ABCA13: variants seen among roughly 807,000 people sequenced by gnomAD.
ABCA13 encodes ATP binding cassette subfamily A member 13.
Under a neutral mutation model 478.7 loss-of-function variants are expected in ABCA13, and 476 were observed. The ratio of observed to expected loss-of-function variants is 0.99; its 90% confidence interval spans 0.92 to 1.07. ABCA13 has a LOEUF of 1.07. Among genes scored for constraint, ABCA13 ranks in the 50% least tolerant of loss-of-function variants. ABCA13 has a pLI of 0.00. For synonymous variants in ABCA13, 2,252 were observed against 2,158.9 expected (o/e 1.04, Z -1.20); for missense variants, 6,060 against 5,910.6 (o/e 1.03, Z -0.83).
chr7:48,645,286 T>G (rs1795368882), intron 61 of ABCA13, 131 bp from the exon 62 acceptor site: 1 of 622,200 alleles, frequency 1.6e-6, no homozygotes, highest in African/African-American at 1.9e-5. Context: ...TGGGAGGGAA[T>G]GGTATGAATT....
At chr7:48,511,604 A>C (rs1025409542) in intron 51 of ABCA13, among the ~76,000 whole-genome samples, 2 of 152,122 alleles carry the variant, frequency 1.3e-5, no homozygotes, top group African/African-American at 4.8e-5. Flanking sequence ...TAATATTAGT[A>C]GTTTGAAAAT....
chr7:48,536,278 T>C (rs1833575173), intron 55 of ABCA13, among the ~76,000 whole-genome samples: 1 of 152,338 alleles, frequency 6.6e-6, no homozygotes, highest in South Asian at 2.1e-4. Context: ...TTGAAAATTA[T>C]CTACAAATTT....
chr7:48,344,716 T>C (rs970604949), intron 29 of ABCA13, among the ~76,000 whole-genome samples: 16 of 152,200 alleles, frequency 1.1e-4, no homozygotes, highest in African/African-American at 3.9e-4. Flanking sequence ...ATTCTAGGAC[T>C]CTTACCAGAG....
At chr7:48,489,625 A>T (rs1046022825) in intron 48 of ABCA13, among the ~76,000 whole-genome samples, 1 of 152,182 alleles carries the variant, frequency 6.6e-6, no homozygotes, top group Admixed American at 6.5e-5. Context: ...TTATTCTGTG[A>T]CTTAATATCT....
At chr7:48,364,353 ATG>A (rs1811348981) in intron 31 of ABCA13, among the ~76,000 whole-genome samples, 1 of 152,208 alleles carries the variant, frequency 6.6e-6, no homozygotes, top group Non-Finnish European at 1.5e-5. Context: ...CATGTGTACA[ATG>A]TGTGATAATC....
At chr7:48,553,813 G>A (rs752559945) in intron 55 of ABCA13, among the ~76,000 whole-genome samples, 13 of 151,908 alleles carry the variant, frequency 8.6e-5, no homozygotes, top group South Asian at 8.3e-4. Flanking sequence ...TTTTTAACTT[G>A]ATGTGATCCC....
At chr7:48,404,430 G>T (rs1471346646) in intron 39 of ABCA13, 2 of 179,406 alleles carry the variant, frequency 1.1e-5, no homozygotes, top group African/African-American at 2.4e-5. Flanking sequence ...AGGAAGCATT[G>T]TTCTATGTAT....
chr7:48,196,466 C>T (rs1797946611), intron 2 of ABCA13, among the ~76,000 whole-genome samples: 1 of 152,150 alleles, frequency 6.6e-6, no homozygotes, highest in Non-Finnish European at 1.5e-5. Context: ...TGGCGTGCAA[C>T]CTTTGTGAGC....
intron 59 of ABCA13, among the ~76,000 whole-genome samples, chr7:48,627,327 C>A (rs1421047927): frequency 6.6e-6 from 1 of 152,124 alleles, no homozygotes; most frequent in Non-Finnish European, 1.5e-5. Context: ...AAGAACAAAG[C>A]TTTGCTTCAA....
Position 48,516,777 on chromosome 7 carries a change from G to T in ABCA13, c.13693G>T (p.Asp4565Tyr), listed in dbSNP as rs763574573. The T allele has an allele frequency of 6.2e-7, 1 of 1,613,680 alleles. No individual in the cohort carries two copies. The highest frequency in any genetic ancestry group is 1.7e-5 in the Admixed American group (1 of 60,004). ...YLMSRIFSSS[D>Y]VAFISYVSLN... ...GATGTCCAGAATCTTTTCCAGTTCG[G>T]ACGTGGCTTTCATTTCCTATGTCTC... The change falls in exon 52 of 62, where the codon GAC becomes TAC. Residue 4565 changes from aspartate to tyrosine, a missense_variant. Physicochemically the swap from Asp to Tyr is radical, Grantham distance 160. Transcript: ENST00000435803.
chr7:48,248,877 G>A (rs555931484), intron 14 of ABCA13, among the ~76,000 whole-genome samples: 6 of 152,220 alleles, frequency 3.9e-5, no homozygotes, highest in African/African-American at 7.2e-5. Flanking sequence ...GATGTTCTTC[G>A]TCAAATATGT....
intron 55 of ABCA13, among the ~76,000 whole-genome samples, chr7:48,558,139 C>T (rs1786041859): frequency 6.6e-6 from 1 of 150,502 alleles, no homozygotes; most frequent in Non-Finnish European, 1.5e-5. Context: ...TCCTTCCTTC[C>T]TTCCTTTCTC....
rs572129782 is a variant in ABCA13 at position 48,254,231 on chromosome 7, AT to A, written c.2005+4887del. Among the ~76,000 whole-genome samples the A allele has an allele frequency of 9.9e-4, 149 of 150,764 alleles. 1 individual carries two copies. Among genetic ancestry groups the A allele is most frequent in the African/African-American group, 3.5e-3 (144 of 41,078 alleles). ...TCAGTATCTATTGTATGCTTTTCCT[AT>A]TTTTTTCCCCAATTCCTATTGTTTT... is the stretch of plus-strand genomic sequence containing the variant. On this transcript the variant is annotated intron_variant, in intron 15 of 61. Transcript: ENST00000435803.
At chr7:48,479,264 G>T (rs1318380191) in intron 45 of ABCA13, among the ~76,000 whole-genome samples, 1 of 151,242 alleles carries the variant, frequency 6.6e-6, no homozygotes, top group East Asian at 1.9e-4. Flanking sequence ...TTGAGACAGA[G>T]TCTCGCTCTG....
chr7:48,223,969 A>AG (rs1482343599), intron 5 of ABCA13, among the ~76,000 whole-genome samples: 1 of 150,952 alleles, frequency 6.6e-6, no homozygotes, highest in Non-Finnish European at 1.5e-5. Flanking sequence ...AAAAAAAAAA[A>AG]AAAAAAAAGA....
At chr7:48,289,518 C>T (rs1036801340) in intron 20 of ABCA13, among the ~76,000 whole-genome samples, 8 of 152,064 alleles carry the variant, frequency 5.3e-5, no homozygotes, top group African/African-American at 1.9e-4. Flanking sequence ...GCCAGCACGC[C>T]TGGCTAATTT....
intron 47 of ABCA13, among the ~76,000 whole-genome samples, chr7:48,487,304 G>A (rs1829400948): frequency 8.1e-6 from 1 of 123,078 alleles, no homozygotes; most frequent in South Asian, 2.5e-4. Context: ...GCAAAACTGT[G>A]TCTCAAAAAA....
intron 38 of ABCA13, 38 bp downstream of exon 38, chr7:48,392,177 G>A: frequency 6.3e-7 from 1 of 1,580,088 alleles, no homozygotes; most frequent in Non-Finnish European, 8.7e-7. Context: ...TCCTGCCTCT[G>A]CCCATTGTGT....
intron 59 of ABCA13, among the ~76,000 whole-genome samples, chr7:48,627,946 C>A (rs749021016): frequency 1.3e-5 from 2 of 152,162 alleles, no homozygotes; most frequent in Non-Finnish European, 2.9e-5. Flanking sequence ...TTAATCCATT[C>A]ATGGGGGAAG....
Sources: gnomAD v4.1 joint callset for allele counts (sites outside exome capture counted in the v4.1 genomes callset) on GRCh38, gnomAD v4.1.1 for gene constraint, MANE v1.5 for transcripts, NCBI Gene and HGNC (gene_info 2026-07-23, HGNC 2026-07-21) for gene names.